Variants in SH3KBP1 observed in about 807,000 individuals in gnomAD.
SH3KBP1 encodes the protein SH3 domain containing kinase binding protein 1.
Under a neutral mutation model 50.1 loss-of-function variants are expected in SH3KBP1, and 8 were observed. The ratio of observed to expected loss-of-function variants is 0.16; its 90% CI spans 0.09 to 0.29. SH3KBP1 has a LOEUF of 0.29. Ranked by LOEUF, SH3KBP1 falls within the 10% of genes least tolerant of loss-of-function variation. SH3KBP1 has a pLI of 1.00. For missense variants in SH3KBP1, 377 were observed against 535.2 expected (o/e 0.70, Z 2.92); for synonymous variants, 227 against 218.6 (o/e 1.04, Z -0.34).
At chrX:19,850,857 C>T (rs1202779933) in intron 1 of SH3KBP1, among the ~76,000 whole-genome samples, 2 of 110,281 alleles carry the variant, frequency 1.8e-5, no homozygotes, top group Non-Finnish European at 3.8e-5. Context: ...ATCCCCCAGC[C>T]TCCCCGAGAC....
At chrX:19,865,134 T>C (rs1603286015) in intron 1 of SH3KBP1, among the ~76,000 whole-genome samples, 2 of 112,842 alleles carry the variant, frequency 1.8e-5, no homozygotes, top group East Asian at 5.5e-4. Context: ...CTATTACTTA[T>C]GAAATGAGCA....
chrX:19,858,274 G>A lies in SH3KBP1; in HGVS notation c.5-21992C>T, dbSNP rs59657187. 8.9e-3 allele frequency among the ~76,000 whole-genome samples: 997 copies of A among 111,717 alleles called. 9 individuals are homozygous for A. The highest frequency in any genetic ancestry group is 0.032 in the Middle Eastern group (7 of 219). On this transcript the variant is annotated intron_variant, in intron 1 of 17. Transcript: ENST00000397821. ...AAACAAAAGCCAGAAAAGTAAACCG[G>A]AGAATCATAAAGCTAAAAGAAAATC...
intron 1 of SH3KBP1, among the ~76,000 whole-genome samples, chrX:19,844,558 C>T (rs1484889302): frequency 1.8e-5 from 2 of 111,252 alleles, no homozygotes; most frequent in Non-Finnish European, 3.8e-5. Flanking sequence ...ACAACCAATG[C>T]CTATATAGCA....
chrX:19,662,794 T>C (rs1389214715), intron 6 of SH3KBP1, among the ~76,000 whole-genome samples: 3 of 109,783 alleles, frequency 2.7e-5, no homozygotes, highest in Non-Finnish European at 5.7e-5. Flanking sequence ...ACTTTGATTT[T>C]GCTGACTTCA....
intron 12 of SH3KBP1, among the ~76,000 whole-genome samples, chrX:19,580,512 C>T (rs770170840): frequency 3.9e-4 from 43 of 111,556 alleles, no homozygotes; most frequent in African/African-American, 1.4e-3. Context: ...CCCTGGCTCT[C>T]GAGATGGCAG....
intron 6 of SH3KBP1, among the ~76,000 whole-genome samples, chrX:19,669,304 T>C (rs1199467344): frequency 3.0e-5 from 3 of 98,705 alleles, no homozygotes; most frequent in Admixed American, 1.1e-4. Context: ...TTCTTCAACT[T>C]TGAATAATAA....
At chrX:19,643,315 T>C (rs760070301) in intron 7 of SH3KBP1, among the ~76,000 whole-genome samples, 2 of 86,787 alleles carry the variant, frequency 2.3e-5, no homozygotes, top group East Asian at 5.8e-4. Flanking sequence ...TTATTTTTTT[T>C]TTTTTTATTT....
intron 4 of SH3KBP1, among the ~76,000 whole-genome samples, chrX:19,703,323 A>T (rs927784150): frequency 4.0e-5 from 4 of 101,161 alleles, no homozygotes; most frequent in African/African-American, 1.2e-4. Flanking sequence ...CTGAATGTTT[A>T]AAAAAAAAAA....
At chrX:19,669,361 G>C (rs1429144489) in intron 6 of SH3KBP1, among the ~76,000 whole-genome samples, 1 of 107,293 alleles carries the variant, frequency 9.3e-6, no homozygotes, top group African/African-American at 3.4e-5. Flanking sequence ...CTTGTAATGA[G>C]AGAAGTAACA....
intron 2 of SH3KBP1, among the ~76,000 whole-genome samples, chrX:19,760,397 A>C (rs9723465): frequency 2.9e-4 from 28 of 96,651 alleles, no homozygotes; most frequent in Middle Eastern, 5.2e-3. Context: ...AAAATAAATA[A>C]ATACATACAT....
At chrX:19,591,015 GT>G (rs1443576344) in intron 11 of SH3KBP1, among the ~76,000 whole-genome samples, 1 of 107,495 alleles carries the variant, frequency 9.3e-6, no homozygotes, top group Non-Finnish European at 1.9e-5. Flanking sequence ...TCAATGGCTG[GT>G]TTTTTTCTTC....
intron 17 of SH3KBP1, 144 bp from the exon 18 acceptor site, chrX:19,536,602 C>A: frequency 2.7e-6 from 1 of 375,917 alleles, no homozygotes; most frequent in South Asian, 6.2e-5. Flanking sequence ...AATAGACAAT[C>A]AACAGCAATG....
At chrX:19,841,408 A>G (rs1204414533) in intron 1 of SH3KBP1, among the ~76,000 whole-genome samples, 1 of 112,595 alleles carries the variant, frequency 8.9e-6, no homozygotes, top group African/African-American at 3.2e-5. Context: ...GGAGAATGAA[A>G]GTTTCCAATT....
intron 5 of SH3KBP1, among the ~76,000 whole-genome samples, chrX:19,686,200 T>C (rs989073445): frequency 2.7e-5 from 3 of 112,344 alleles, no homozygotes; most frequent in Non-Finnish European, 5.6e-5. Context: ...CACTTTTAAG[T>C]GTATAAATTA....
At chrX:19,836,500 G>A (rs1224378296) in intron 1 of SH3KBP1, among the ~76,000 whole-genome samples, 1 of 111,742 alleles carries the variant, frequency 8.9e-6, no homozygotes, top group East Asian at 2.8e-4. Flanking sequence ...CAGGCAGGGT[G>A]GCCTACAGGT....
At chrX:19,707,729 C>A (rs1202472111) in intron 3 of SH3KBP1, among the ~76,000 whole-genome samples, 3 of 112,080 alleles carry the variant, frequency 2.7e-5, no homozygotes, top group Non-Finnish European at 5.6e-5. Flanking sequence ...TCTGGGAGAC[C>A]CTGGCTTAGA....
chrX:19,551,726 T>C (rs749341150), intron 13 of SH3KBP1, among the ~76,000 whole-genome samples: 1 of 108,969 alleles, frequency 9.2e-6, no homozygotes, highest in South Asian at 4.0e-4. Context: ...TTTTGACATG[T>C]TGCCCAGGCT....
chrX:19,748,654 CT>C (rs1228354973), intron 2 of SH3KBP1, among the ~76,000 whole-genome samples: 1 of 111,621 alleles, frequency 9.0e-6, no homozygotes, highest in Non-Finnish European at 1.9e-5. Context: ...TAAAATATGT[CT>C]TGCATTTTTT....
chrX:19,880,081 C>G (rs1384024336), intron 1 of SH3KBP1, among the ~76,000 whole-genome samples: 1 of 112,880 alleles, frequency 8.9e-6, no homozygotes, highest in African/African-American at 3.2e-5. Context: ...AGTGCTGTGT[C>G]CCCCTGGTGG....
Sources: gnomAD v4.1 joint callset for allele counts (sites outside exome capture counted in the v4.1 genomes callset) on GRCh38, gnomAD v4.1.1 for gene constraint, MANE v1.5 for transcripts, NCBI Gene and HGNC (gene_info 2026-07-23, HGNC 2026-07-21) for gene names.